The following EBF2 variants were observed in gnomAD, a reference collection of about 807,000 sequenced individuals.
EBF2 encodes the protein transcription factor COE2.
Under a neutral mutation model 72.8 loss-of-function variants are expected in EBF2, and 21 were observed. That is an observed-to-expected ratio of 0.29 (90% CI 0.20 to 0.42). The LOEUF (loss-of-function observed/expected upper bound fraction) is 0.42, where lower values mean the gene tolerates loss of function less well. EBF2 is among the 10% of genes least tolerant of loss of function. The pLI is 1.00. For synonymous variants in EBF2, 299 were observed against 274.2 expected (o/e 1.09, Z -0.89); for missense variants, 637 against 731.2 (o/e 0.87, Z 1.49).
chr8:25,866,024 CA>C (rs550648526), intron 10 of EBF2, among the ~76,000 whole-genome samples: 81 of 135,836 alleles, frequency 6.0e-4, no homozygotes, highest in Admixed American at 6.6e-4. Context: ...GACTCCGTCT[CA>C]AAAAAAAAAA....
intron 6 of EBF2, among the ~76,000 whole-genome samples, chr8:26,011,811 T>A (rs1300499894): frequency 7.0e-6 from 1 of 143,254 alleles, no homozygotes; most frequent in Non-Finnish European, 1.5e-5. Flanking sequence ...AACTTTTTTT[T>A]AAAAAAAAAA....
At chr8:25,966,009 G>A (rs1804109081) in intron 6 of EBF2, among the ~76,000 whole-genome samples, 1 of 152,190 alleles carries the variant, frequency 6.6e-6, no homozygotes, top group South Asian at 2.1e-4. Flanking sequence ...ATCATTTGGG[G>A]CATAGGTTGC....
chr8:25,848,393 G>T (rs1801884642), intron 15 of EBF2, among the ~76,000 whole-genome samples: 1 of 152,242 alleles, frequency 6.6e-6, no homozygotes, highest in Non-Finnish European at 1.5e-5. Context: ...GGACCCTGGA[G>T]AGGGTCTTCT....
intron 15 of EBF2, among the ~76,000 whole-genome samples, chr8:25,845,573 CT>C (rs1453205541): frequency 6.6e-6 from 1 of 152,204 alleles, no homozygotes; most frequent in Non-Finnish European, 1.5e-5. Context: ...TAATCTAATT[CT>C]TTCTCCCTTC....
chr8:25,933,796 G>A (rs74511270), intron 6 of EBF2, among the ~76,000 whole-genome samples: 6,128 of 151,984 alleles, frequency 0.04, 405 homozygotes, highest in African/African-American at 0.14. Context: ...AAAAAAATAC[G>A]AAACAGTAAA....
At chr8:25,974,536 A>C (rs1051214842) in intron 6 of EBF2, among the ~76,000 whole-genome samples, 1 of 152,206 alleles carries the variant, frequency 6.6e-6, no homozygotes, top group East Asian at 1.9e-4. Flanking sequence ...AAACTTGATA[A>C]AATCTTAGTT....
chr8:25,866,289 T>G (rs2117267898), intron 10 of EBF2, among the ~76,000 whole-genome samples: 1 of 151,534 alleles, frequency 6.6e-6, no homozygotes, highest in East Asian at 1.9e-4. Context: ...AATGACATAT[T>G]ATACCACCAA....
At chr8:26,042,614 T>C (rs1000338012) in intron 1 of EBF2, among the ~76,000 whole-genome samples, 2 of 152,216 alleles carry the variant, frequency 1.3e-5, no homozygotes, top group Non-Finnish European at 2.9e-5. Flanking sequence ...ACCGTGGGGC[T>C]GTCTCCATCC....
intron 7 of EBF2, among the ~76,000 whole-genome samples, chr8:25,906,902 A>G (rs1272487955): frequency 2.0e-5 from 3 of 152,186 alleles, no homozygotes; most frequent in African/African-American, 2.4e-5. Flanking sequence ...TTCCTGTCAC[A>G]GCAAGATTGA....
chr8:26,002,361 G>A (rs909034013), intron 6 of EBF2, among the ~76,000 whole-genome samples: 2 of 152,208 alleles, frequency 1.3e-5, no homozygotes, highest in Non-Finnish European at 2.9e-5. Context: ...CTTTGTCATC[G>A]TTAAGAGTAT....
chr8:26,033,381 C>T (rs536949324), intron 5 of EBF2, among the ~76,000 whole-genome samples: 198 of 152,296 alleles, frequency 1.3e-3, no homozygotes, highest in African/African-American at 4.1e-3. Context: ...AGGTGTGTGC[C>T]ACCGCGCCCA....
Position 25,889,503 on chromosome 8 carries a change from A to G in EBF2, c.751+249T>C, listed in dbSNP as rs563016346. Among the ~76,000 whole-genome samples the G allele has an allele frequency of 3.3e-5, 5 of 152,276 alleles. No homozygotes were observed. In the South Asian group the frequency reaches 1.0e-3, roughly 32 times the overall value. On this transcript the variant is annotated intron_variant, in intron 8 of 15. Coordinates refer to ENST00000520164, the MANE Select transcript of EBF2 (RefSeq NM_022659.4). ...TGTTTGCCTGAAATGCCCGTCTCAC[A>G]AAAAGGAAAACACAGAACAGGATGG...
chr8:25,921,795 T>C (rs553799675), intron 6 of EBF2, among the ~76,000 whole-genome samples: 28 of 152,306 alleles, frequency 1.8e-4, no homozygotes, highest in Middle Eastern at 3.4e-3. Flanking sequence ...CTTCTTTCAT[T>C]TTCTCTTTAA....
chr8:26,044,780 C>G lies in EBF2; in HGVS notation c.80G>C (p.Arg27Thr), dbSNP rs1468106777. 1 of 1,614,072 alleles carries G rather than the reference C, an allele frequency of 6.2e-7. No individual in the cohort carries two copies. The highest frequency in any genetic ancestry group is 8.5e-7 in the Non-Finnish European group (1 of 1,180,050). ...KSLGAEMDSV[R>T]SWVRNVGVVD... The stretch of plus-strand genomic sequence containing the variant: ...CACTCCGACATTCCGGACCCAGGAC[C>G]TGACCGAATCCATCTCCGCGCCCAG... Residue 27 changes from arginine to threonine, a missense_variant, in exon 1 of 16, where the codon AGG (arginine) becomes ACG (threonine). By Grantham distance (71) the Arg-to-Thr change is moderately conservative. This residue lies in a region of EBF2 where 174 missense variants were observed against 161.9 expected (regional missense o/e 1.07). Coordinates refer to ENST00000520164, the MANE Select transcript of EBF2 (RefSeq NM_022659.4). The surrounding 1 kb of genome is among the most constrained non-coding windows in gnomAD (Gnocchi z 4.1).
intron 6 of EBF2, among the ~76,000 whole-genome samples, chr8:25,911,621 A>G (rs976450804): frequency 1.3e-5 from 2 of 152,216 alleles, no homozygotes; most frequent in African/African-American, 4.8e-5. Flanking sequence ...TTAACGAAGG[A>G]GTTGAATGGG....
chr8:25,868,019 G>A (rs766306465), intron 10 of EBF2, among the ~76,000 whole-genome samples: 2 of 152,164 alleles, frequency 1.3e-5, no homozygotes, highest in Non-Finnish European at 2.9e-5. Context: ...ACAAATATAT[G>A]TAGACATTTA....
chr8:25,973,118 A>G (rs910375188), intron 6 of EBF2, among the ~76,000 whole-genome samples: 1 of 152,144 alleles, frequency 6.6e-6, no homozygotes, highest in Admixed American at 6.5e-5. Flanking sequence ...AGGGTATGGA[A>G]CACAATTAGG....
At chr8:25,872,705 AC>A (rs1470051468) in intron 10 of EBF2, among the ~76,000 whole-genome samples, 4 of 152,124 alleles carry the variant, frequency 2.6e-5, no homozygotes, top group Non-Finnish European at 5.9e-5. Flanking sequence ...AACAACAACA[AC>A]AACAACAAAC....
intron 7 of EBF2, among the ~76,000 whole-genome samples, chr8:25,892,314 G>A (rs574214310): frequency 6.6e-6 from 1 of 152,266 alleles, no homozygotes; most frequent in South Asian, 2.1e-4. Context: ...ACCACAGAAA[G>A]TGAAGCCTCC....
Sources: allele counts gnomAD v4.1 joint callset (sites outside exome capture counted in the v4.1 genomes callset), GRCh38; gene constraint gnomAD v4.1.1; regional missense constraint gnomAD v4.1.1; non-coding constraint Gnocchi (gnomAD v3.1); transcripts MANE v1.5; gene names NCBI Gene and HGNC (gene_info 2026-07-23, HGNC 2026-07-21).